Variants in NDC80 observed in about 807,000 individuals in gnomAD.
NDC80 encodes the protein NDC80 kinetochore complex component, also known as kinetochore protein NDC80 homolog.
NDC80 carries 69 observed loss-of-function variants against 89.3 expected under a neutral mutation model. That is an observed-to-expected ratio of 0.77 (90% CI 0.64 to 0.94). NDC80 has a LOEUF of 0.94. Among genes scored for constraint, NDC80 ranks in the 40% least tolerant of loss-of-function variants. The probability of loss-of-function intolerance (pLI) is 0.00; values close to 1 mark genes in which losing one functional copy is unlikely to be tolerated. For synonymous variants in NDC80, 243 were observed against 255.6 expected, an observed-to-expected ratio of 0.95 and a Z score of 0.47; for missense variants, 593 against 739.6, an observed-to-expected ratio of 0.80 and a Z score of 2.30.
chr18:2,579,388 A>G (rs1226861254), intron 6 of NDC80, among the ~76,000 whole-genome samples: 4 of 152,200 alleles, frequency 2.6e-5, no homozygotes, highest in African/African-American at 9.6e-5. Context: ...CTCCAAACTC[A>G]GACAATAACA....
At chr18:2,590,230 C>G (rs2072620950) in intron 10 of NDC80, 68 bp downstream of exon 10, 2 of 1,401,942 alleles carry the variant, frequency 1.4e-6, no homozygotes, top group African/African-American at 2.9e-5. Flanking sequence ...GTAAAAACAG[C>G]TTTGTTATCC....
At chr18:2,581,887 G>T (rs1295874684) in intron 6 of NDC80, among the ~76,000 whole-genome samples, 1 of 151,904 alleles carries the variant, frequency 6.6e-6, no homozygotes, top group Admixed American at 6.6e-5. Flanking sequence ...ACAAAATCTT[G>T]TGATTTTGTT....
intron 6 of NDC80, among the ~76,000 whole-genome samples, chr18:2,579,364 G>A (rs1012128993): frequency 1.3e-5 from 2 of 152,170 alleles, no homozygotes; most frequent in African/African-American, 2.4e-5. Context: ...AGAATACAGT[G>A]ATATAACCAT....
At chr18:2,572,918 G>A in intron 1 of NDC80, 59 bp from the exon 2 acceptor site, 1 of 1,234,680 alleles carries the variant, frequency 8.1e-7, no homozygotes, top group African/African-American at 1.5e-5. Flanking sequence ...ATAAATAGTT[G>A]CTTAATGTAC....
At position 2,589,163 on chromosome 18, in the gene NDC80, C is replaced by T. The variant is rs201887282; in HGVS notation, c.764-41C>T. The T allele has an allele frequency of 3.3e-4, 420 of 1,279,522 alleles. 5 individuals carry two copies. The East Asian group carries it at 5.2e-3, about 16-fold the overall frequency. 79.3% of individuals were successfully genotyped at this position (1,279,522 alleles called of 1,614,324 possible). A position where few individuals can be genotyped will look rare whatever the true frequency, so the allele number is the denominator to read the frequency against. On this transcript the variant is annotated intron_variant, in intron 8 of 16. Transcript: ENST00000261597. ...AAAACTTGGGAAAGAATGTTCTAGGCGGATTTGAGGTCTTAAAAAGCTTTT... is the reference window on the plus strand; with the variant it reads ...AAAACTTGGGAAAGAATGTTCTAGGTGGATTTGAGGTCTTAAAAAGCTTTT...
chr18:2,608,784 C>T lies in NDC80; in HGVS notation c.1642C>T (p.Gln548Ter). Residue 548 changes from glutamine (Q) to a stop codon, truncating the protein, a stop_gained, in exon 15 of 17, where the codon CAG becomes TAG. Transcript: ENST00000261597. LOFTEE classifies it high-confidence loss of function. ...HKHLLESTVN[Q>*]GLSEAMNELD... is the part of the protein sequence containing the mutation. ...GCACCTGCTAGAAAGTACTGTTAAC[C>T]AGGGGCTCAGTGAAGCTATGAATGA... 6.2e-7 allele frequency: 1 copy of T among 1,612,758 alleles called. No homozygotes were observed.
intron 16 of NDC80, among the ~76,000 whole-genome samples, chr18:2,614,663 T>C (rs2072774919): frequency 7.1e-6 from 1 of 141,234 alleles, no homozygotes; most frequent in African/African-American, 2.5e-5. Context: ...GAAATAAATT[T>C]GGCAATCCGA....
At chr18:2,605,291 T>G (rs1191740751) in intron 13 of NDC80, among the ~76,000 whole-genome samples, 1 of 138,756 alleles carries the variant, frequency 7.2e-6, no homozygotes, top group African/African-American at 3.0e-5. Context: ...TGTGTGTGTG[T>G]GTGTGTGTGT....
chr18:2,576,972 C>T (rs1177187845), intron 3 of NDC80, among the ~76,000 whole-genome samples: 1 of 152,014 alleles, frequency 6.6e-6, no homozygotes, highest in Admixed American at 6.5e-5. Flanking sequence ...GCCATGAAAC[C>T]AATTTGGTTT....
chr18:2,585,098 T>G lies in NDC80; in HGVS notation c.580-15T>G. 2 of 1,601,672 alleles carry G rather than the reference T, an allele frequency of 1.2e-6. No homozygotes were observed. Among genetic ancestry groups the G allele is most frequent in the Non-Finnish European group, 1.7e-6 (2 of 1,169,664 alleles). ...TTTCAGATCAACTTGCTTTTCTTGC[T>G]TGTGTACTAATTAGATACATACTGC... On this transcript the variant is annotated splice_polypyrimidine_tract_variant and intron_variant, in intron 6 of 16. Coordinates refer to ENST00000261597, the MANE Select transcript of NDC80 (RefSeq NM_006101.3).
Position 2,610,744 on chromosome 18 carries a change from GT to G in NDC80, c.1689-10del. On this transcript the variant is annotated splice_polypyrimidine_tract_variant and intron_variant, in intron 15 of 16. Transcript: ENST00000261597. ...TTTTTCCTGGACAACTTAAACAAGA[GT>G]TTTTGTTCTACAGATACCAACTAGT... 1.9e-6 allele frequency: 3 copies of G among 1,539,568 alleles called. No individual in the cohort carries two copies. The highest frequency in any genetic ancestry group is 1.2e-5 in the South Asian group (1 of 83,370).
intron 1 of NDC80, among the ~76,000 whole-genome samples, chr18:2,572,774 TA>T (rs2072524032): frequency 6.6e-6 from 1 of 152,216 alleles, no homozygotes; most frequent in Non-Finnish European, 1.5e-5. Flanking sequence ...TTATGTTGAA[TA>T]TTTTTAAATG....
intron 13 of NDC80, among the ~76,000 whole-genome samples, chr18:2,602,235 T>C (rs2072687561): frequency 6.6e-6 from 1 of 152,144 alleles, no homozygotes. Context: ...TTTTTCTCAA[T>C]CTGGAAACAA....
chr18:2,593,854 C>T, intron 10 of NDC80: 1 of 296,510 alleles, frequency 3.4e-6, no homozygotes, highest in Non-Finnish European at 6.7e-6. Flanking sequence ...ATAATTCTGA[C>T]CACCACCTTT....
intron 10 of NDC80, 51 bp downstream of exon 10, chr18:2,590,213 G>T (rs1267125451): frequency 2.7e-6 from 4 of 1,490,718 alleles, no homozygotes; most frequent in Non-Finnish European, 3.6e-6. Flanking sequence ...TGTGGGATTT[G>T]TCACATGTAA....
rs56851912 is a variant in NDC80, at chr18:2,593,013, GGTGTGTGTGTGTGTGTGTGTGT to G, written c.1016-2382_1016-2361del. On this transcript the variant is annotated intron_variant, in intron 10 of 16. Coordinates refer to ENST00000261597, the MANE Select transcript of NDC80 (RefSeq NM_006101.3). ...TGTCAGTAAAATATGAATAAACTCT[GGTGTGTGTGTGTGTGTGTGTGT>G]GTGTGTGTGTGTGTGTGTGTCTTTT... Among the ~76,000 whole-genome samples the G allele has an allele frequency of 2.8e-5, 3 of 108,398 alleles. No homozygotes were observed. In the Admixed American group the frequency reaches 3.2e-4, roughly 11 times the overall value. 71.1% of individuals were successfully genotyped at this position (108,398 alleles called of 152,430 possible).
At chr18:2,590,200 C>G (rs1250436800) in intron 10 of NDC80, 38 bp downstream of exon 10, 2 of 1,526,110 alleles carry the variant, frequency 1.3e-6, no homozygotes, top group African/African-American at 2.8e-5. Context: ...GGATGCGAAC[C>G]TGTGTGGGAT....
At chr18:2,604,489 C>A (rs2072700236) in intron 13 of NDC80, among the ~76,000 whole-genome samples, 1 of 152,134 alleles carries the variant, frequency 6.6e-6, no homozygotes, top group Admixed American at 6.5e-5. Flanking sequence ...TCAGGACCAG[C>A]CAGGCAACAT....
At chr18:2,588,504 T>C (rs769106953) in intron 8 of NDC80, among the ~76,000 whole-genome samples, 3 of 152,184 alleles carry the variant, frequency 2.0e-5, no homozygotes, top group Non-Finnish European at 2.9e-5. Context: ...TACATTTTCA[T>C]TCTTTCTATT....
Sources: allele counts gnomAD v4.1 joint callset (sites outside exome capture counted in the v4.1 genomes callset), GRCh38; gene constraint gnomAD v4.1.1; transcripts MANE v1.5; gene names NCBI Gene and HGNC (gene_info 2026-07-23, HGNC 2026-07-21).